The following PHACTR1 variants were observed in gnomAD, a reference collection of about 807,000 sequenced individuals.
PHACTR1 encodes RPEL repeat containing 1.
Under a neutral mutation model 69.2 loss-of-function variants are expected in PHACTR1, and 16 were observed. The observed-to-expected ratio is 0.23, with a 90% CI of 0.16 to 0.35. PHACTR1 has a LOEUF of 0.35. Ranked by LOEUF, PHACTR1 falls within the 10% of genes least tolerant of loss-of-function variation. PHACTR1 has a pLI of 1.00. For missense variants in PHACTR1, 510 were observed against 734.7 expected, an observed-to-expected ratio of 0.69 and a Z score of 3.54; for synonymous variants, 312 against 284.5, an observed-to-expected ratio of 1.10 and a Z score of -0.97.
chr6:12,897,435 A>G (rs886583133), intron 4 of PHACTR1, among the ~76,000 whole-genome samples: 7 of 151,892 alleles, frequency 4.6e-5, no homozygotes, highest in Non-Finnish European at 7.4e-5. Context: ...AGTGTTTTCC[A>G]TTGACATTAA....
At chr6:13,268,851 C>T (rs538584296) in intron 10 of PHACTR1, among the ~76,000 whole-genome samples, 5 of 152,296 alleles carry the variant, frequency 3.3e-5, no homozygotes, top group South Asian at 2.1e-4. Context: ...TGTTCTCAGT[C>T]GCTTTCCAGA....
rs1433656309 is a variant in PHACTR1 at position 13,224,408 on chromosome 6, G to T, written c.987-3408G>T. Among the ~76,000 whole-genome samples the T allele has an allele frequency of 3.3e-5, 5 of 152,346 alleles. No homozygotes were observed. The East Asian group carries it at 7.7e-4, about 23-fold the overall frequency. On this transcript the variant is annotated intron_variant, in intron 8 of 14. Coordinates refer to ENST00000332995, the MANE Select transcript of PHACTR1 (RefSeq NM_030948.6). ...ATGCATAGTTGCAGGTGATCAAGGG[G>T]TCAGTTGTTTGGAGACAGAAGTAAA...
intron 10 of PHACTR1, among the ~76,000 whole-genome samples, chr6:13,256,735 T>C (rs116292815): frequency 0.028 from 4,231 of 152,298 alleles, 189 homozygotes; most frequent in African/African-American, 0.093. Flanking sequence ...TTGCCCCAGT[T>C]CCCAATAAGT....
rs899027386 is a variant in PHACTR1, at chr6:13,167,935, T to A, written c.496+7651T>A. ...CGTATTTTAAAAATAAAAATAAAACTTCTTCTCTGTATTAGAGGAGACAAA... is the reference window on the plus strand; with the variant it reads ...CGTATTTTAAAAATAAAAATAAAACATCTTCTCTGTATTAGAGGAGACAAA... On this transcript the variant is annotated intron_variant, in intron 6 of 14. Coordinates refer to ENST00000332995, the MANE Select transcript of PHACTR1 (RefSeq NM_030948.6). Among the ~76,000 whole-genome samples the A allele has an allele frequency of 3.3e-5, 5 of 152,352 alleles. No homozygotes were observed. The East Asian group carries it at 9.6e-4, about 29-fold the overall frequency.
At chr6:12,754,769 C>A (rs1245923972) in intron 4 of PHACTR1, among the ~76,000 whole-genome samples, 2 of 152,188 alleles carry the variant, frequency 1.3e-5, no homozygotes, top group African/African-American at 4.8e-5. Flanking sequence ...TGCGTCTGTA[C>A]TGAACATGTA....
intron 4 of PHACTR1, among the ~76,000 whole-genome samples, chr6:12,904,619 C>T (rs1465191954): frequency 1.3e-5 from 2 of 151,786 alleles, no homozygotes; most frequent in Admixed American, 1.3e-4. Context: ...AAACATTAAA[C>T]CTTTCCACCT....
At chr6:12,876,745 T>C (rs966721701) in intron 4 of PHACTR1, among the ~76,000 whole-genome samples, 1 of 152,104 alleles carries the variant, frequency 6.6e-6, no homozygotes, top group African/African-American at 2.4e-5. Context: ...AGGATAGATA[T>C]AGATATAGAT....
chr6:12,997,537 T>C (rs1026050673), intron 4 of PHACTR1, among the ~76,000 whole-genome samples: 1 of 151,944 alleles, frequency 6.6e-6, no homozygotes, highest in Admixed American at 6.6e-5. Context: ...AAATGAGATA[T>C]TTCAAAACAT....
In PHACTR1 at chr6:12,901,074, A is replaced by T. The variant is rs373301988; in HGVS notation, c.250+151284A>T. Among the ~76,000 whole-genome samples the T allele has an allele frequency of 9.4e-4, 143 of 152,306 alleles. 1 individual carries two copies. The highest frequency in any genetic ancestry group is 3.2e-3 in the African/African-American group (135 of 41,586). On this transcript the variant is annotated intron_variant, in intron 4 of 14. Coordinates refer to ENST00000332995, the MANE Select transcript of PHACTR1 (RefSeq NM_030948.6). ...GAGAGGGTAAGGGGATCAGGAGCCC[A>T]TTCCAGGCATGTTCTTTCACTTTGT... is the stretch of plus-strand genomic sequence containing the variant.
At chr6:12,917,000 C>T (rs890883808) in intron 4 of PHACTR1, among the ~76,000 whole-genome samples, 1 of 152,146 alleles carries the variant, frequency 6.6e-6, no homozygotes, top group Non-Finnish European at 1.5e-5. Context: ...GAAATCCAAA[C>T]GACTTCTAGT....
At chr6:13,280,145 A>C (rs1006582167) in intron 12 of PHACTR1, 5 of 152,196 alleles carry the variant, frequency 3.3e-5, no homozygotes, top group African/African-American at 7.2e-5. Context: ...GCGAGTAAAG[A>C]GTCTTCCTTT....
At chr6:12,979,707 T>G (rs1795284040) in intron 4 of PHACTR1, among the ~76,000 whole-genome samples, 1 of 148,986 alleles carries the variant, frequency 6.7e-6, no homozygotes, top group Non-Finnish European at 1.5e-5. Context: ...AGTTTTCCTT[T>G]AAAGAAAATG....
At chr6:12,914,148 T>C (rs1196454846) in intron 4 of PHACTR1, among the ~76,000 whole-genome samples, 1 of 152,068 alleles carries the variant, frequency 6.6e-6, no homozygotes, top group Non-Finnish European at 1.5e-5. Flanking sequence ...TACAAGCACA[T>C]GCCACCATGC....
chr6:12,875,308 A>G (rs890788408), intron 4 of PHACTR1, among the ~76,000 whole-genome samples: 6 of 152,236 alleles, frequency 3.9e-5, no homozygotes, highest in African/African-American at 1.4e-4. Flanking sequence ...GCCCTGGGCC[A>G]GGAGTCAAGG....
intron 4 of PHACTR1, among the ~76,000 whole-genome samples, chr6:12,905,215 A>G (rs1278422831): frequency 6.6e-6 from 1 of 152,174 alleles, no homozygotes; most frequent in South Asian, 2.1e-4. Flanking sequence ...AAAAGCATGG[A>G]GCTAACGGGG....
intron 10 of PHACTR1, among the ~76,000 whole-genome samples, chr6:13,250,092 A>G (rs1000608872): frequency 2.0e-5 from 3 of 152,180 alleles, no homozygotes; most frequent in Non-Finnish European, 4.4e-5. Flanking sequence ...TACACACCAT[A>G]ATGGCAGAGT....
chr6:13,218,853 A>AAAGAGAAGAGAAGAG (rs536881718), intron 8 of PHACTR1, among the ~76,000 whole-genome samples: 2,164 of 142,472 alleles, frequency 0.015, 39 homozygotes, highest in East Asian at 0.067. Context: ...GAGGAGGAGG[A>AAAGAGAAGAGAAGAG]AAGAGAAGAG....
chr6:12,921,710 GGAAT>G (rs1271571403), intron 4 of PHACTR1, among the ~76,000 whole-genome samples: 1 of 112,048 alleles, frequency 8.9e-6, no homozygotes, highest in African/African-American at 3.7e-5. Flanking sequence ...GCAAGGAGAA[GGAAT>G]GAAGAAGGGA....
chr6:12,772,106 G>A lies in PHACTR1; in HGVS notation c.250+22316G>A, dbSNP rs114914214. Among the ~76,000 whole-genome samples, 1,201 of 152,300 alleles carry A rather than the reference G, an allele frequency of 7.9e-3. 14 individuals are homozygous for A. Among genetic ancestry groups the A allele is most frequent in the African/African-American group, 0.023 (941 of 41,566 alleles). ...CCAGGACATTGGCTGTGAGTGAAAG[G>A]TGAGAACAAGTGCCCTAGTTAGAGG... On this transcript the variant is annotated intron_variant, in intron 4 of 14. Coordinates refer to ENST00000332995, the MANE Select transcript of PHACTR1 (RefSeq NM_030948.6).
Sources: gnomAD v4.1 joint callset for allele counts (sites outside exome capture counted in the v4.1 genomes callset) on GRCh38, gnomAD v4.1.1 for gene constraint, MANE v1.5 for transcripts, NCBI Gene and HGNC (gene_info 2026-07-23, HGNC 2026-07-21) for gene names.